Variants in LYRM4 observed in about 807,000 individuals in gnomAD.
LYRM4 encodes the protein LYR motif containing 4.
In LYRM4, 9 loss-of-function variants were observed where a neutral mutation model predicts 11.7. The observed-to-expected ratio is 0.77, with a 90% confidence interval of 0.46 to 1.34. The LOEUF (loss-of-function observed/expected upper bound fraction) is 1.34. Among genes scored for constraint, LYRM4 ranks in the 40% most tolerant of loss-of-function variants. The pLI, the probability that LYRM4 is intolerant of heterozygous loss-of-function variation, is 0.00. For missense variants in LYRM4, 133 were observed against 112.5 expected (o/e 1.18, Z -0.82); for synonymous variants, 42 against 40.4 (o/e 1.04, Z -0.15).
chr6:5,117,839 A>G (rs1763193137), intron 2 of LYRM4, among the ~76,000 whole-genome samples: 2 of 151,898 alleles, frequency 1.3e-5, no homozygotes, highest in Non-Finnish European at 2.9e-5. Context: ...GTGAATAAAT[A>G]CTGCACTCTA....
the LYRM4 span, chr6:5,087,487 G>C: frequency 6.6e-6 from 1 of 152,328 alleles, no homozygotes; most frequent in South Asian, 2.1e-4. Context: ...CCCTGGCTGT[G>C]ATCTGCGAGA....
intron 1 of LYRM4, among the ~76,000 whole-genome samples, chr6:5,247,452 C>T (rs1414341671): frequency 2.0e-5 from 3 of 152,046 alleles, no homozygotes; most frequent in South Asian, 2.1e-4. Context: ...TTTAGTCAAG[C>T]GTAAAGGAGA....
intron 2 of LYRM4, among the ~76,000 whole-genome samples, chr6:5,178,949 T>C (rs1250784502): frequency 1.3e-5 from 2 of 149,386 alleles, no homozygotes; most frequent in African/African-American, 4.9e-5. Flanking sequence ...GAATAAAGCA[T>C]ATATTTTTAC....
intron 2 of LYRM4, among the ~76,000 whole-genome samples, chr6:5,121,000 C>T (rs1294214688): frequency 6.6e-6 from 1 of 152,190 alleles, no homozygotes; most frequent in Non-Finnish European, 1.5e-5. Context: ...GCACGCATGT[C>T]ATTGCTTCCT....
chr6:5,222,777 A>AT (rs397688373), intron 1 of LYRM4, among the ~76,000 whole-genome samples: 16 of 151,322 alleles, frequency 1.1e-4, no homozygotes, highest in Non-Finnish European at 2.2e-4. Flanking sequence ...AAAAAAAAAA[A>AT]GAAAGATTAG....
chr6:5,213,188 T>C (rs532445191), intron 2 of LYRM4, among the ~76,000 whole-genome samples: 44 of 152,246 alleles, frequency 2.9e-4, no homozygotes, highest in Middle Eastern at 3.2e-3. Context: ...CTAGAAGACC[T>C]GAGCTCACGC....
chr6:5,218,133 C>T, intron 1 of LYRM4: 1 of 655,050 alleles, frequency 1.5e-6, no homozygotes, highest in Non-Finnish European at 1.9e-6. Flanking sequence ...TCTTAAACTC[C>T]TGGGCTCAAG....
chr6:5,109,423 C>G lies in LYRM4; in HGVS notation c.276G>C (p.Ter92TyrextTer21). The G allele has an allele frequency of 6.2e-7, 1 of 1,614,014 alleles. No individual in the cohort carries two copies. Among genetic ancestry groups the G allele is most frequent in the Non-Finnish European group, 8.5e-7 (1 of 1,179,920 alleles). ...IIENRDMPRT[*>Y] ...CCACTGGTGGCTGGTCCCCGGCTTG[C>G]TAGGTCCTGGGCATGTCTCGATTCT... The change falls in exon 3 of 3, where the codon TAG becomes TAC. Residue 92 changes from the stop codon to tyrosine, a stop_lost. Coordinates refer to ENST00000330636, the MANE Select transcript of LYRM4 (RefSeq NM_020408.6).
rs1488920873 is a variant in LYRM4, at chr6:5,172,940, G to C, written c.207+43678C>G. Among the ~76,000 whole-genome samples the C allele has an allele frequency of 2.0e-5, 3 of 152,120 alleles. No homozygotes were observed. The East Asian group carries it at 5.8e-4, about 29-fold the overall frequency. On this transcript the variant is annotated intron_variant, in intron 2 of 2. Coordinates refer to ENST00000330636, the MANE Select transcript of LYRM4 (RefSeq NM_020408.6). ...AAAAACAACCTCCCCAAATGATCTGGAGTCAAGCTGAAGAGCAGCTTCTTC... is the reference window on the plus strand; with the variant it reads ...AAAAACAACCTCCCCAAATGATCTGCAGTCAAGCTGAAGAGCAGCTTCTTC...
At chr6:5,173,435 G>A (rs1481991599) in intron 2 of LYRM4, among the ~76,000 whole-genome samples, 6 of 152,200 alleles carry the variant, frequency 3.9e-5, no homozygotes, top group Non-Finnish European at 7.3e-5. Context: ...GAGATTTGTA[G>A]GGCTAATGAA....
intron 1 of LYRM4, among the ~76,000 whole-genome samples, chr6:5,228,284 CT>C (rs879832304): frequency 3.3e-5 from 5 of 149,270 alleles, no homozygotes; most frequent in Non-Finnish European, 6.0e-5. Context: ...GAAAGTCTTT[CT>C]TTTTTTTTTG....
At chr6:5,239,625 T>C (rs1035659505) in intron 1 of LYRM4, among the ~76,000 whole-genome samples, 4 of 152,026 alleles carry the variant, frequency 2.6e-5, no homozygotes, top group African/African-American at 7.2e-5. Flanking sequence ...GACTGGTTAA[T>C]TGGGCCAAAG....
rs529543495 is a variant in LYRM4 at position 5,133,931 on chromosome 6, G to T, written c.208-24440C>A. 4.3e-4 allele frequency among the ~76,000 whole-genome samples: 65 copies of T among 152,338 alleles called. No homozygotes were observed. In the South Asian group the frequency reaches 0.013, roughly 31 times the overall value. ...GTTCATCCAGGTTGTAAACACGCAT[G>T]AGTACTTTGTGACTTCTAAGGATGA... On this transcript the variant is annotated intron_variant, in intron 2 of 2. Transcript: ENST00000330636.
chr6:5,164,322 C>T (rs1317388549), intron 2 of LYRM4, among the ~76,000 whole-genome samples: 2 of 152,104 alleles, frequency 1.3e-5, no homozygotes, highest in Admixed American at 6.6e-5. Flanking sequence ...CCCAAATGCC[C>T]AGCAATAGTA....
the LYRM4 span, among the ~76,000 whole-genome samples, chr6:5,060,413 T>G: frequency 6.6e-6 from 1 of 152,190 alleles, no homozygotes; most frequent in Non-Finnish European, 1.5e-5. Context: ...GCCTTTTGGT[T>G]TTGTTTCTTG....
At chr6:5,163,601 T>C (rs1208222799) in intron 2 of LYRM4, among the ~76,000 whole-genome samples, 1 of 148,890 alleles carries the variant, frequency 6.7e-6, no homozygotes, top group Non-Finnish European at 1.5e-5. Context: ...GAAAATTTGC[T>C]AGTCCCAGGA....
chr6:5,194,066 T>C lies in LYRM4; in HGVS notation c.207+22552A>G, dbSNP rs376274059. Among the ~76,000 whole-genome samples, 449 of 94,918 alleles carry C rather than the reference T, an allele frequency of 4.7e-3. 6 individuals carry two copies. The highest frequency in any genetic ancestry group is 0.018 in the African/African-American group (435 of 23,820). 62.3% of individuals were successfully genotyped at this position (94,918 alleles called of 152,430 possible). On this transcript the variant is annotated intron_variant, in intron 2 of 2. Coordinates refer to ENST00000330636, the MANE Select transcript of LYRM4 (RefSeq NM_020408.6). ...CCAGAGAAACAGAACCAACAGGGTGTGTGTGGGGGGGTGGGGGGTGGGGGA... is the reference window on the plus strand; with the variant it reads ...CCAGAGAAACAGAACCAACAGGGTGCGTGTGGGGGGGTGGGGGGTGGGGGA...
At chr6:5,079,187 T>C in the LYRM4 span, among the ~76,000 whole-genome samples, 14 of 152,262 alleles carry the variant, frequency 9.2e-5, no homozygotes, top group African/African-American at 3.1e-4. Context: ...TAACAAAGAA[T>C]TGTGGAGATG....
chr6:5,145,846 AT>A (rs1272878019), intron 2 of LYRM4, among the ~76,000 whole-genome samples: 1 of 152,170 alleles, frequency 6.6e-6, no homozygotes, highest in African/African-American at 2.4e-5. Flanking sequence ...GCAAACCAGC[AT>A]ATTCAGCCTT....
Sources: gnomAD v4.1 joint callset for allele counts (sites outside exome capture counted in the v4.1 genomes callset) on GRCh38, gnomAD v4.1.1 for gene constraint, MANE v1.5 for transcripts, NCBI Gene and HGNC (gene_info 2026-07-23, HGNC 2026-07-21) for gene names.